The following SAMMSON variants were observed in gnomAD, a reference collection of about 807,000 sequenced individuals.
SAMMSON encodes the protein survival associated mitochondrial melanoma specific oncogenic non-coding RNA.
At chr3:70,117,641 C>G (rs1054423506) in intron 4 of SAMMSON, among the ~76,000 whole-genome samples, 12 of 152,132 alleles carry the variant, frequency 7.9e-5, no homozygotes, top group Non-Finnish European at 1.8e-4. Flanking sequence ...AGTATAACCC[C>G]CTGATAATCT....
chr3:70,319,741 G>C (rs981636444), intron 7 of SAMMSON, among the ~76,000 whole-genome samples: 1 of 151,948 alleles, frequency 6.6e-6, no homozygotes, highest in African/African-American at 2.4e-5. Context: ...AGTATTCTTT[G>C]AGCTAACCAT....
rs1332019832 is a variant in SAMMSON, at chr3:70,122,095, A to C, written n.507+50530A>C. Among the ~76,000 whole-genome samples the C allele has an allele frequency of 5.3e-5, 8 of 152,294 alleles. No individual in the cohort carries two copies. The East Asian group carries it at 1.5e-3, about 29-fold the overall frequency. ...CATTTACTTTGGAATTAATAATAAG[A>C]GGTAAAAAGTATTAGTCATTGAGGA... On this transcript the variant is annotated intron_variant and non_coding_transcript_variant, in intron 4 of 9. Transcript: ENST00000642114.
rs541263767 is a variant in SAMMSON, at chr3:70,303,130, G to A, written n.739+11887G>A. On this transcript the variant is annotated intron_variant and non_coding_transcript_variant, in intron 7 of 9. Transcript: ENST00000642114. ...GTGCTTCATCAACAGCACATATCAC[G>A]TAAGAAAATATTATTCCTTGTGGAG... is the stretch of plus-strand genomic sequence containing the variant. Among the ~76,000 whole-genome samples, 25 of 152,268 alleles carry A rather than the reference G, an allele frequency of 1.6e-4. No homozygotes were observed. In the South Asian group the frequency reaches 4.1e-3, roughly 25 times the overall value.
At chr3:70,314,180 C>T (rs574718813) in intron 7 of SAMMSON, among the ~76,000 whole-genome samples, 4 of 152,136 alleles carry the variant, frequency 2.6e-5, no homozygotes, top group African/African-American at 9.7e-5. Flanking sequence ...CCTCCTCCCC[C>T]CAGTGCAACC....
chr3:70,139,819 C>T (rs757123903), intron 4 of SAMMSON, among the ~76,000 whole-genome samples: 26 of 152,096 alleles, frequency 1.7e-4, no homozygotes, highest in African/African-American at 5.1e-4. Context: ...GTGTGCAATA[C>T]ATCTTATTTG....
At chr3:70,121,170 A>T (rs2067431666) in intron 4 of SAMMSON, among the ~76,000 whole-genome samples, 1 of 152,190 alleles carries the variant, frequency 6.6e-6, no homozygotes, top group African/African-American at 2.4e-5. Context: ...ATCCGACAGG[A>T]GGCGGAGCTC....
At chr3:70,323,522 A>C (rs1293193409) in intron 7 of SAMMSON, among the ~76,000 whole-genome samples, 11 of 152,176 alleles carry the variant, frequency 7.2e-5, no homozygotes, top group Non-Finnish European at 8.8e-5. Context: ...CAGGCTGCGC[A>C]CTGCAGAACT....
At chr3:70,231,444 A>T (rs1376358461) in intron 4 of SAMMSON, among the ~76,000 whole-genome samples, 1 of 152,194 alleles carries the variant, frequency 6.6e-6, no homozygotes, top group Non-Finnish European at 1.5e-5. Flanking sequence ...CCTGAGTGAA[A>T]GCTCTAAAAG....
At chr3:70,320,027 T>C (rs1702525472) in intron 7 of SAMMSON, among the ~76,000 whole-genome samples, 1 of 151,964 alleles carries the variant, frequency 6.6e-6, no homozygotes, top group African/African-American at 2.4e-5. Flanking sequence ...CAGTGGTAGA[T>C]GGAGGCATCT....
chr3:70,099,799 G>A (rs2067335649), intron 4 of SAMMSON, among the ~76,000 whole-genome samples: 1 of 152,066 alleles, frequency 6.6e-6, no homozygotes, highest in South Asian at 2.1e-4. Flanking sequence ...TCTTTGGCTG[G>A]TTAACATTTA....
At chr3:70,118,414 A>G (rs1245571700) in intron 4 of SAMMSON, among the ~76,000 whole-genome samples, 1 of 152,130 alleles carries the variant, frequency 6.6e-6, no homozygotes, top group Non-Finnish European at 1.5e-5. Flanking sequence ...TGTCTGTTAG[A>G]ATCTTTTTTC....
chr3:70,106,346 T>C (rs1435664802), intron 4 of SAMMSON, among the ~76,000 whole-genome samples: 4 of 151,922 alleles, frequency 2.6e-5, no homozygotes, highest in Non-Finnish European at 5.9e-5. Flanking sequence ...ATCTGCTTTT[T>C]TTTTTTTTTT....
intron 4 of SAMMSON, among the ~76,000 whole-genome samples, chr3:70,182,221 C>G (rs1268701094): frequency 6.6e-6 from 1 of 152,110 alleles, no homozygotes; most frequent in African/African-American, 2.4e-5. Flanking sequence ...CCCCCGCCCC[C>G]ACCTTCGAAA....
chr3:70,306,424 A>T (rs778845153), intron 7 of SAMMSON, among the ~76,000 whole-genome samples: 5 of 152,196 alleles, frequency 3.3e-5, no homozygotes, highest in Non-Finnish European at 5.9e-5. Flanking sequence ...AATCGTTTTT[A>T]TATCATCAAA....
chr3:70,210,138 G>A (rs987616958), intron 4 of SAMMSON, among the ~76,000 whole-genome samples: 2 of 152,048 alleles, frequency 1.3e-5, no homozygotes, highest in East Asian at 1.9e-4. Flanking sequence ...AACATGCGGC[G>A]AATACAGTAT....
chr3:70,274,433 T>G (rs1702003025), intron 6 of SAMMSON, among the ~76,000 whole-genome samples: 1 of 151,060 alleles, frequency 6.6e-6, no homozygotes, highest in Admixed American at 6.6e-5. Context: ...ACATTGTTCA[T>G]CAACTCAGTG....
At chr3:70,038,611 C>A (rs1167040590) in intron 3 of SAMMSON, among the ~76,000 whole-genome samples, 1 of 152,114 alleles carries the variant, frequency 6.6e-6, no homozygotes, top group African/African-American at 2.4e-5. Context: ...AATACAGCAT[C>A]AGAATGAAGG....
At chr3:70,215,433 C>A (rs974267995) in intron 4 of SAMMSON, among the ~76,000 whole-genome samples, 11 of 152,062 alleles carry the variant, frequency 7.2e-5, no homozygotes, top group Admixed American at 4.6e-4. Context: ...GTTAATTGAT[C>A]CTGCTGGTAT....
Position 70,333,094 on chromosome 3 carries a change from A to AT in SAMMSON, n.740-21072dup, listed in dbSNP as rs564180904. Among the ~76,000 whole-genome samples the AT allele has an allele frequency of 1.1e-4, 16 of 151,420 alleles. No homozygotes were observed. In the South Asian group the frequency reaches 1.5e-3, roughly 14 times the overall value. Reference sequence around the variant, plus strand: ...TTCCTTTATGTTCTGTCTTTTTAGAATTTTTTTTTCTCTTGTTGCTGCAGC... The same window carrying AT: ...TTCCTTTATGTTCTGTCTTTTTAGAATTTTTTTTTTCTCTTGTTGCTGCAGC... On this transcript the variant is annotated intron_variant and non_coding_transcript_variant, in intron 7 of 9. Coordinates refer to ENST00000642114, the Ensembl canonical transcript of SAMMSON.
Sources: allele counts gnomAD v4.1 joint callset (sites outside exome capture counted in the v4.1 genomes callset), GRCh38; gene constraint gnomAD v4.1.1; transcripts MANE v1.5; gene names NCBI Gene and HGNC (gene_info 2026-07-23, HGNC 2026-07-21).